The following CACNA1H variants were observed in gnomAD, a reference collection of about 807,000 sequenced individuals.
The protein encoded by CACNA1H is calcium voltage-gated channel subunit alpha1 H.
CACNA1H carries 149 observed loss-of-function variants against 192.5 expected under a neutral mutation model. The observed-to-expected ratio is 0.77, with a 90% confidence interval of 0.68 to 0.89. The LOEUF (loss-of-function observed/expected upper bound fraction) is 0.89. Ranked by LOEUF, CACNA1H falls within the 40% of genes least tolerant of loss-of-function variation. CACNA1H has a pLI of 0.00. For synonymous variants in CACNA1H, 2,202 were observed against 1,475.2 expected (o/e 1.49, Z -11.29); for missense variants, 4,257 against 3,423.5 (o/e 1.24, Z -6.08).
In CACNA1H at chr16:1,220,118, A is replaced by C. The variant is rs770629901; in HGVS notation, c.6186A>C (p.Pro2062=). The change falls in exon 35 of 35, where the codon CCA becomes CCC. Residue 2062 remains proline, a synonymous_variant. Coordinates refer to ENST00000348261, the MANE Select transcript of CACNA1H (RefSeq NM_021098.3). ...GGSLQSPPRS[P]RPASVRTRKH... ...CCCTGCAGTCCCCACCACGCTCCCC[A>C]CGGCCCGCCAGCGTCCGCACTCGTA... 4.3e-5 allele frequency: 64 copies of C among 1,489,936 alleles called. No individual in the cohort carries two copies. The highest frequency in any genetic ancestry group is 2.7e-6 in the Non-Finnish European group (3 of 1,121,812). The allele number at this position is 1,489,936 out of a possible 1,614,324, so 92.3% of individuals were successfully genotyped here. A position where few individuals can be genotyped will look rare whatever the true frequency, so the allele number is the denominator to read the frequency against.
Position 1,216,069 on chromosome 16 carries a change from G to A in CACNA1H, c.5244+476G>A, listed in dbSNP as rs145059270. ...AGAGACCCAACACGTTGTCCCGTCC[G>A]TAGCCTCTAGTCCACCTATCCAACC... is the stretch of plus-strand genomic sequence containing the variant. On this transcript the variant is annotated intron_variant, in intron 30 of 34. Coordinates refer to ENST00000348261, the MANE Select transcript of CACNA1H (RefSeq NM_021098.3). Among the ~76,000 whole-genome samples, 131 of 152,240 alleles carry A rather than the reference G, an allele frequency of 8.6e-4. No individual in the cohort carries two copies. The East Asian group carries it at 0.016, about 18-fold the overall frequency.
chr16:1,207,502 G>A, intron 14 of CACNA1H, 72 bp downstream of exon 14: 3 of 1,483,826 alleles, frequency 2.0e-6, no homozygotes, highest in Non-Finnish European at 2.8e-6. Context: ...GTCGAGGGGA[G>A]GGGTGTGGGG....
chr16:1,188,664 T>C (rs1966300588), intron 2 of CACNA1H, among the ~76,000 whole-genome samples: 1 of 152,214 alleles, frequency 6.6e-6, no homozygotes, highest in Non-Finnish European at 1.5e-5. Context: ...AGCTATGCGC[T>C]TTCAAGCTGG....
At chr16:1,219,315 C>T (rs888976190) in intron 34 of CACNA1H, among the ~76,000 whole-genome samples, 185 bp downstream of exon 34, 3 of 152,210 alleles carry the variant, frequency 2.0e-5, no homozygotes, top group Non-Finnish European at 2.9e-5. Context: ...CCAGGTGCGT[C>T]TTCAGGCCTG....
At position 1,202,038 on chromosome 16, in the gene CACNA1H, C is replaced by A. The variant is rs764332031; in HGVS notation, c.1588C>A (p.His530Asn). 1.3e-6 allele frequency: 2 copies of A among 1,538,008 alleles called. No homozygotes were observed. Among genetic ancestry groups the A allele is most frequent in the South Asian group, 2.4e-5 (2 of 83,904 alleles). Residue 530 changes from histidine to asparagine, a missense_variant, in exon 9 of 35, where the codon CAT (histidine) becomes AAT (asparagine). By Grantham distance (68) the His-to-Asn change is moderately conservative. Transcript: ENST00000348261. The stretch of plus-strand genomic sequence containing the variant: ...CCATCACCACCACCACCACCACTAC[C>A]ATTTCAGCCATGGCAGCCCCCGCAG... ...HHHHHHHHHY[H>N]FSHGSPRRPG...
In CACNA1H at chr16:1,201,839, C is replaced by A; in HGVS notation, c.1389C>A (p.Tyr463Ter). The change falls in exon 9 of 35, where the codon TAC becomes TAA. Residue 463 changes from tyrosine (Y) to a stop codon, truncating the protein, a stop_gained. Transcript: ENST00000348261. LOFTEE classifies it high-confidence loss of function. ...PGSCYEELLK[Y>*]VGHIFRKVKR... is the part of the protein sequence containing the mutation. ...GCTGCTACGAAGAGCTGCTGAAGTA[C>A]GTGGGCCACATATTCCGCAAGGTCA... 2 of 1,572,122 alleles carry A rather than the reference C, an allele frequency of 1.3e-6. No homozygotes were observed. Among genetic ancestry groups the A allele is most frequent in the Non-Finnish European group, 1.7e-6 (2 of 1,159,616 alleles).
Position 1,194,870 on chromosome 16 carries a change from C to G in CACNA1H, c.300-102C>G, listed in dbSNP as rs557830811. ...CCCATCCTGGACACCCCCACGCGCG[C>G]ACACCCGTGGCGGGGCTCCGGCTGA... On this transcript the variant is annotated intron_variant, in intron 2 of 34. Transcript: ENST00000348261. The G allele has an allele frequency of 1.2e-4, 100 of 841,120 alleles. No homozygotes were observed. In the African/African-American group the frequency reaches 1.6e-3, roughly 13 times the overall value. The allele number at this position is 841,120 out of a possible 1,614,324, so 52.1% of individuals were successfully genotyped here. A position where few individuals can be genotyped will look rare whatever the true frequency, so the allele number is the denominator to read the frequency against.
At chr16:1,185,173 G>T (rs151284500) in intron 2 of CACNA1H, among the ~76,000 whole-genome samples, 2 of 152,180 alleles carry the variant, frequency 1.3e-5, no homozygotes, top group East Asian at 1.9e-4. Context: ...GTGTTGTGGC[G>T]TGTGGAGCTT....
chr16:1,211,752 G>A lies in CACNA1H; in HGVS notation c.4513G>A (p.Gly1505Arg). The A allele has an allele frequency of 6.2e-7, 1 of 1,612,716 alleles. No individual in the cohort carries two copies. The highest frequency in any genetic ancestry group is 8.5e-7 in the Non-Finnish European group (1 of 1,179,730). Residue 1505 changes from glycine (G) to arginine (R), a missense_variant, in exon 24 of 35, where the codon GGA becomes AGA. Physicochemically the swap from Gly to Arg is moderately radical, Grantham distance 125 (BLOSUM62 -2). Coordinates refer to ENST00000348261, the MANE Select transcript of CACNA1H (RefSeq NM_021098.3). ...MSLFVLSSKD[G>R]WVNIMYDGLD... is the part of the protein sequence containing the mutation. The stretch of plus-strand genomic sequence containing the variant: ...GCTGTTCGTGCTGTCATCCAAGGAT[G>A]GATGGGTGAACATCATGTACGACGG...
At chr16:1,212,182 G>T in intron 25 of CACNA1H, 44 bp downstream of exon 25, 1 of 1,565,898 alleles carries the variant, frequency 6.4e-7, no homozygotes, top group Non-Finnish European at 8.6e-7. Context: ...GTCGGTACCT[G>T]TGTGCCCACC....
At chr16:1,188,698 T>C (rs1001144261) in intron 2 of CACNA1H, among the ~76,000 whole-genome samples, 4 of 152,240 alleles carry the variant, frequency 2.6e-5, no homozygotes, top group South Asian at 2.1e-4. Flanking sequence ...GGAGTCTTTT[T>C]CCTCCTCGAC....
chr16:1,209,981 G>GA, intron 17 of CACNA1H, 54 bp from the exon 18 acceptor site: 1 of 1,360,428 alleles, frequency 7.4e-7, no homozygotes. Flanking sequence ...GGGCCCTGAT[G>GA]GGGGGCCGGG....
chr16:1,185,072 T>C (rs1439855592), intron 2 of CACNA1H, among the ~76,000 whole-genome samples: 2 of 152,204 alleles, frequency 1.3e-5, no homozygotes, highest in Non-Finnish European at 2.9e-5. Flanking sequence ...TACCCCGCTT[T>C]GTCTCTGGGT....
chr16:1,193,071 G>T (rs971422416), intron 2 of CACNA1H, among the ~76,000 whole-genome samples: 5 of 152,182 alleles, frequency 3.3e-5, no homozygotes, highest in Non-Finnish European at 7.4e-5. Context: ...GGGGTAGAGT[G>T]CCGTGGGGGC....
Position 1,193,751 on chromosome 16 carries a change from G to A in CACNA1H, c.300-1221G>A, listed in dbSNP as rs890542814. ...TGGAGCCGTGGCACTGGCATCAAAT[G>A]CTGACCTGCTAGGAGGCTGGGCCCT... On this transcript the variant is annotated intron_variant, in intron 2 of 34. Transcript: ENST00000348261. Among the ~76,000 whole-genome samples the A allele has an allele frequency of 7.2e-5, 11 of 152,166 alleles. No homozygotes were observed. In the South Asian group the frequency reaches 2.3e-3, roughly 32 times the overall value.
At chr16:1,197,588 G>T (rs1389288538) in intron 5 of CACNA1H, among the ~76,000 whole-genome samples, 1 of 152,226 alleles carries the variant, frequency 6.6e-6, no homozygotes, top group Non-Finnish European at 1.5e-5. Context: ...TTGGCTAGGG[G>T]TCCACTCTGA....
At chr16:1,212,820 G>C (rs1337112008) in intron 26 of CACNA1H, among the ~76,000 whole-genome samples, 1 of 152,226 alleles carries the variant, frequency 6.6e-6, no homozygotes, top group Non-Finnish European at 1.5e-5. Flanking sequence ...GCTGTCCTGT[G>C]TCCTTGCTGG....
rs569348055 is a variant in CACNA1H, at chr16:1,202,690, C to T, written c.2002+238C>T. On this transcript the variant is annotated intron_variant, in intron 9 of 34. Transcript: ENST00000348261. ...CAGCTCATGGCAGGAGTGGTAGCCG[C>T]GGAGGTGGGATTTTGAATCTGACAA... is the stretch of plus-strand genomic sequence containing the variant. Among the ~76,000 whole-genome samples the T allele has an allele frequency of 4.6e-5, 7 of 152,254 alleles. No individual in the cohort carries two copies. In the South Asian group the frequency reaches 6.2e-4, roughly 14 times the overall value.
At chr16:1,187,362 G>A (rs1966175549) in intron 2 of CACNA1H, among the ~76,000 whole-genome samples, 1 of 152,216 alleles carries the variant, frequency 6.6e-6, no homozygotes, top group Non-Finnish European at 1.5e-5. Context: ...CTGGTTGCCT[G>A]TGACCTCAGC....
Sources: gnomAD v4.1 joint callset for allele counts (sites outside exome capture counted in the v4.1 genomes callset) on GRCh38, gnomAD v4.1.1 for gene constraint, MANE v1.5 for transcripts, NCBI Gene and HGNC (gene_info 2026-07-23, HGNC 2026-07-21) for gene names.